The following FRS2 variants were observed in gnomAD, a reference collection of about 807,000 sequenced individuals.
FRS2 encodes the protein fibroblast growth factor receptor substrate 2.
In FRS2, 8 loss-of-function variants were observed where a neutral mutation model predicts 43.9. The ratio of observed to expected loss-of-function variants is 0.18; its 90% CI spans 0.11 to 0.33. The LOEUF (loss-of-function observed/expected upper bound fraction) is 0.33, where lower values mean the gene tolerates loss of function less well. Among genes scored for constraint, FRS2 ranks in the 10% least tolerant of loss-of-function variants. FRS2 has a pLI of 1.00. For missense variants in FRS2, 534 were observed against 627.6 expected (o/e 0.85, Z 1.59); for synonymous variants, 219 against 220.3 (o/e 0.99, Z 0.05).
chr12:69,537,076 T>TGA (rs1877390032), intron 3 of FRS2, among the ~76,000 whole-genome samples: 1 of 152,182 alleles, frequency 6.6e-6, no homozygotes, highest in Non-Finnish European at 1.5e-5. Flanking sequence ...AACATGCTTT[T>TGA]CTTAGGAAAG....
chr12:69,560,919 A>G (rs1163821173), intron 3 of FRS2, among the ~76,000 whole-genome samples: 1 of 152,170 alleles, frequency 6.6e-6, no homozygotes, highest in Non-Finnish European at 1.5e-5. Flanking sequence ...GATCACTATC[A>G]TTTCTCTTAA....
chr12:69,506,855 GGTC>G (rs1873982889), intron 1 of FRS2, among the ~76,000 whole-genome samples: 1 of 152,178 alleles, frequency 6.6e-6, no homozygotes, highest in Non-Finnish European at 1.5e-5. Context: ...GAAGTGGTTA[GGTC>G]ATGAGGGCTC....
chr12:69,477,931 C>T (rs1001550539), intron 1 of FRS2, among the ~76,000 whole-genome samples: 3 of 151,208 alleles, frequency 2.0e-5, no homozygotes, highest in South Asian at 2.1e-4. Flanking sequence ...TTAGTAGAGA[C>T]GGGGTTTCAC....
At position 69,506,538 on chromosome 12, in the gene FRS2, C is replaced by CAG. The variant is rs370145015; in HGVS notation, c.-260-24316_-260-24315dup. Among the ~76,000 whole-genome samples, 9 of 151,628 alleles carry CAG rather than the reference C, an allele frequency of 5.9e-5. No homozygotes were observed. In the East Asian group the frequency reaches 7.7e-4, roughly 13 times the overall value. On this transcript the variant is annotated intron_variant, in intron 1 of 8. Transcript: ENST00000549921. ...TATTATTTAAATATATAGCAAAATCCAGAGAGAGAGAGTACTCATTCTCCC... is the reference window on the plus strand; with the variant it reads ...TATTATTTAAATATATAGCAAAATCCAGAGAGAGAGAGAGTACTCATTCTCCC...
rs373684204 is a variant in FRS2 at position 69,479,616 on chromosome 12, T to C, written c.-261+9086T>C. On this transcript the variant is annotated intron_variant, in intron 1 of 8. Transcript: ENST00000549921. ...TTTCACTATGTTGGCTAGGATGGTCTCCATCTCCTGACCTCATGATCCACC... is the reference window on the plus strand; with the variant it reads ...TTTCACTATGTTGGCTAGGATGGTCCCCATCTCCTGACCTCATGATCCACC... 7.9e-5 allele frequency among the ~76,000 whole-genome samples: 12 copies of C among 152,192 alleles called. No homozygotes were observed. The South Asian group carries it at 2.3e-3, about 29-fold the overall frequency.
chr12:69,535,767 A>C (rs1245195006), intron 3 of FRS2, among the ~76,000 whole-genome samples: 2 of 152,084 alleles, frequency 1.3e-5, no homozygotes, highest in Non-Finnish European at 2.9e-5. Flanking sequence ...TTGGGGACTG[A>C]TTTATGAGTT....
At chr12:69,519,774 G>A (rs1348479072) in intron 1 of FRS2, among the ~76,000 whole-genome samples, 3 of 152,272 alleles carry the variant, frequency 2.0e-5, no homozygotes, top group South Asian at 2.1e-4. Context: ...ATTCCATGTT[G>A]TATATGTACC....
rs1457394241 is a variant in FRS2, at chr12:69,574,578, A to G, written c.1150A>G (p.Asn384Asp). The stretch of plus-strand genomic sequence containing the variant: ...GACCCCATCTCTAAATGGCTACCAT[A>G]ATAATCTAGATCCAATGCATAACTA... ...PKTPSLNGYH[N>D]NLDPMHNYVN... Residue 384 changes from asparagine to aspartate, a missense_variant, in exon 9 of 9, where the codon AAT becomes GAT. This residue lies in a region of FRS2 where 446 missense variants were observed against 494.2 expected (regional missense o/e 0.90). Coordinates refer to ENST00000549921, the MANE Select transcript of FRS2 (RefSeq NM_001278356.2). 6.2e-7 allele frequency: 1 copy of G among 1,613,964 alleles called. No individual in the cohort carries two copies. Among genetic ancestry groups the G allele is most frequent in the East Asian group, 2.2e-5 (1 of 44,896 alleles).
At chr12:69,519,846 T>C (rs996129621) in intron 1 of FRS2, among the ~76,000 whole-genome samples, 8 of 152,250 alleles carry the variant, frequency 5.3e-5, no homozygotes, top group African/African-American at 1.9e-4. Flanking sequence ...TCTTTGCTAT[T>C]GTGAATAGTG....
chr12:69,529,594 C>G (rs930749624), intron 1 of FRS2, among the ~76,000 whole-genome samples: 5 of 150,366 alleles, frequency 3.3e-5, no homozygotes, highest in African/African-American at 4.9e-5. Flanking sequence ...ACACTCCAGC[C>G]TAGGTGACAG....
At chr12:69,534,127 T>C (rs1304711355) in intron 3 of FRS2, among the ~76,000 whole-genome samples, 1 of 152,176 alleles carries the variant, frequency 6.6e-6, no homozygotes, top group Non-Finnish European at 1.5e-5. Context: ...TGTTCAAAAA[T>C]ACACTATGAC....
intron 1 of FRS2, among the ~76,000 whole-genome samples, chr12:69,475,521 T>C (rs1352161989): frequency 6.6e-6 from 1 of 152,174 alleles, no homozygotes; most frequent in African/African-American, 2.4e-5. Flanking sequence ...TCCTTGGTTG[T>C]CATTGGTCAC....
rs1028630543 is a variant in FRS2 at position 69,497,707 on chromosome 12, C to T, written c.-261+27177C>T. 5.3e-5 allele frequency among the ~76,000 whole-genome samples: 8 copies of T among 152,142 alleles called. No homozygotes were observed. The South Asian group carries it at 6.2e-4, about 12-fold the overall frequency. ...TGGGAGAGTGAGCCCTGTAGATATT[C>T]GGGAGAGAACATTTCAAGAGAGGGA... On this transcript the variant is annotated intron_variant, in intron 1 of 8. Coordinates refer to ENST00000549921, the MANE Select transcript of FRS2 (RefSeq NM_001278356.2).
At chr12:69,532,741 G>A (rs1234798262) in intron 3 of FRS2, among the ~76,000 whole-genome samples, 1 of 152,066 alleles carries the variant, frequency 6.6e-6, no homozygotes, top group African/African-American at 2.4e-5. Context: ...CCAAGATTAG[G>A]GCTTTTTAAA....
intron 1 of FRS2, among the ~76,000 whole-genome samples, chr12:69,498,815 G>A (rs1337248472): frequency 6.6e-6 from 1 of 152,120 alleles, no homozygotes; most frequent in Non-Finnish European, 1.5e-5. Flanking sequence ...TGTATTTGTG[G>A]TAGTGGGCAA....
At chr12:69,518,957 T>C (rs1323864442) in intron 1 of FRS2, among the ~76,000 whole-genome samples, 2 of 150,248 alleles carry the variant, frequency 1.3e-5, no homozygotes, top group Non-Finnish European at 2.9e-5. Flanking sequence ...GGTAGCGCCC[T>C]TGCACTCCAG....
chr12:69,564,045 G>A lies in FRS2; in HGVS notation c.-27+1771G>A, dbSNP rs535492777. Among the ~76,000 whole-genome samples the A allele has an allele frequency of 1.2e-4, 18 of 152,158 alleles. No individual in the cohort carries two copies. The South Asian group carries it at 2.9e-3, about 25-fold the overall frequency. The stretch of plus-strand genomic sequence containing the variant: ...TCTTAAAATACGTAACTCAAGTAAT[G>A]TATTCTCTTTTGAATATATTCACAC... On this transcript the variant is annotated intron_variant, in intron 4 of 8. Coordinates refer to ENST00000549921, the MANE Select transcript of FRS2 (RefSeq NM_001278356.2).
At chr12:69,487,720 C>G (rs138256526) in intron 1 of FRS2, among the ~76,000 whole-genome samples, 5 of 152,170 alleles carry the variant, frequency 3.3e-5, no homozygotes, top group African/African-American at 1.2e-4. Context: ...AGTGATTCTT[C>G]TGATGGATCT....
chr12:69,533,275 G>A (rs911563479), intron 3 of FRS2, among the ~76,000 whole-genome samples: 11 of 151,938 alleles, frequency 7.2e-5, no homozygotes, highest in African/African-American at 2.7e-4. Flanking sequence ...TAATGTGGAA[G>A]GTCCACCTCT....
Sources: gnomAD v4.1 joint callset for allele counts (sites outside exome capture counted in the v4.1 genomes callset) on GRCh38, gnomAD v4.1.1 for gene constraint, gnomAD v4.1.1 regional missense constraint, MANE v1.5 for transcripts, NCBI Gene and HGNC (gene_info 2026-07-23, HGNC 2026-07-21) for gene names.